ACSM4: variants seen among roughly 807,000 people sequenced by gnomAD.
ACSM4 encodes the protein acyl-CoA synthetase medium chain family member 4, also known as acyl-coenzyme A synthetase ACSM4, mitochondrial.
Under a neutral mutation model 73.0 loss-of-function variants are expected in ACSM4, and 66 were observed. The ratio of observed to expected loss-of-function variants is 0.90; its 90% CI spans 0.74 to 1.11. The LOEUF (loss-of-function observed/expected upper bound fraction) is 1.11, where lower values mean the gene tolerates loss of function less well. Ranked by LOEUF, ACSM4 falls within the 50% of genes least tolerant of loss-of-function variation. The pLI is 0.00. For synonymous variants in ACSM4, 222 were observed against 254.0 expected (o/e 0.87, Z 1.20); for missense variants, 645 against 714.4 (o/e 0.90, Z 1.11).
chr12:7,317,485 A>C (rs903991478), intron 4 of ACSM4, among the ~76,000 whole-genome samples: 14 of 152,224 alleles, frequency 9.2e-5, no homozygotes, highest in Non-Finnish European at 1.6e-4. Context: ...CTTAAGAATC[A>C]ACCTTAATTA....
chr12:7,324,684 G>A (rs2136338804), intron 11 of ACSM4, 86 bp downstream of exon 11: 1 of 1,405,948 alleles, frequency 7.1e-7, no homozygotes, highest in Non-Finnish European at 9.9e-7. Context: ...ACCAAGAGAG[G>A]TCAATCTATT....
At position 7,306,530 on chromosome 12, in the gene ACSM4, C is replaced by T. The variant is rs367956264; in HGVS notation, c.202-3C>T. On this transcript the variant is annotated splice_polypyrimidine_tract_variant and splice_region_variant and intron_variant, in intron 1 of 12. Coordinates refer to ENST00000399422, the MANE Select transcript of ACSM4 (RefSeq NM_001080454.2). Reference sequence around the variant, plus strand: ...CCTCTCTTTTCCATGTGTCCCTGGTCAGACAGGGGAGAGACCAGCTAACCC... The same window carrying T: ...CCTCTCTTTTCCATGTGTCCCTGGTTAGACAGGGGAGAGACCAGCTAACCC... 102 of 1,585,022 alleles carry T rather than the reference C, an allele frequency of 6.4e-5. No individual in the cohort carries two copies. The highest frequency in any genetic ancestry group is 8.1e-5 in the Non-Finnish European group (95 of 1,165,850).
rs1453563914 is a variant in ACSM4, at chr12:7,304,308, A to C, written c.-24A>C. On this transcript the variant is annotated 5_prime_UTR_variant, in exon 1 of 13. Transcript: ENST00000399422. ...GCTGTAGTACTTCTGTGTCCATAGC[A>C]GTAGACAAAGTCCTTTGGGAACCAT... 1 of 1,609,002 alleles carries C rather than the reference A, an allele frequency of 6.2e-7. No homozygotes were observed. Among genetic ancestry groups the C allele is most frequent in the African/African-American group, 1.3e-5 (1 of 74,878 alleles).
rs751974625 is a variant in ACSM4, at chr12:7,322,535, G to A, written c.1119G>A (p.Thr373=). ...AGCTATATGAGGGCTATGGACAGAC[G>A]GAAGTGGTATATCTAAAGGGCATTT... The part of the protein sequence containing the change: ...GLELYEGYGQ[T]EVGMICANQK... Residue 373 remains threonine, a synonymous_variant, in exon 7 of 13, where the codon ACG becomes ACA. Coordinates refer to ENST00000399422, the MANE Select transcript of ACSM4 (RefSeq NM_001080454.2). 8.1e-6 allele frequency: 13 copies of A among 1,613,224 alleles called. No homozygotes were observed. Among genetic ancestry groups the A allele is most frequent in the East Asian group, 2.2e-5 (1 of 44,872 alleles).
intron 3 of ACSM4, among the ~76,000 whole-genome samples, chr12:7,315,645 G>C (rs374533403): frequency 6.6e-6 from 1 of 151,960 alleles, no homozygotes; most frequent in African/African-American, 2.4e-5. Context: ...ATAAAAATAT[G>C]ATACACCAGT....
At chr12:7,318,305 A>G (rs987876763) in intron 5 of ACSM4, 123 bp downstream of exon 5, 1 of 1,310,474 alleles carries the variant, frequency 7.6e-7, no homozygotes, top group Admixed American at 2.5e-5. Flanking sequence ...TTCTTTATAC[A>G]AAGCAAAGTC....
At chr12:7,319,602 AAAAG>A (rs1424943140) in intron 5 of ACSM4, among the ~76,000 whole-genome samples, 5 of 151,736 alleles carry the variant, frequency 3.3e-5, no homozygotes, top group Non-Finnish European at 5.9e-5. Flanking sequence ...AAAAAAAAAA[AAAAG>A]AAAAAAATAC....
rs201479077 is a variant in ACSM4 at position 7,325,848 on chromosome 12, A to G, written c.1537-1128A>G. On this transcript the variant is annotated intron_variant, in intron 11 of 12. Coordinates refer to ENST00000399422, the MANE Select transcript of ACSM4 (RefSeq NM_001080454.2). ...TGACAAAATTTCAAAACAATTTGTC[A>G]GCATCGTTCCACATCTGTACCTCCC... 9.8e-5 allele frequency among the ~76,000 whole-genome samples: 15 copies of G among 152,342 alleles called. No individual in the cohort carries two copies. The East Asian group carries it at 2.7e-3, about 27-fold the overall frequency.
chr12:7,310,409 G>C (rs1946383552), intron 2 of ACSM4, 130 bp from the exon 3 acceptor site: 1 of 850,688 alleles, frequency 1.2e-6, no homozygotes. Flanking sequence ...ATATCCTTGG[G>C]CATCAAGGCA....
Position 7,304,266 on chromosome 12 carries a change from T to A in ACSM4, c.-66T>A, listed in dbSNP as rs1946348427. On this transcript the variant is annotated 5_prime_UTR_variant, in exon 1 of 13. Transcript: ENST00000399422. ...AGCATCAAGAAACTGATACTCTCTA[T>A]CCATCTCTCCCTACAGGCTGTAGTA... 5 of 1,501,358 alleles carry A rather than the reference T, an allele frequency of 3.3e-6. No homozygotes were observed. In the East Asian group the frequency reaches 1.1e-4, roughly 34 times the overall value. 93.0% of individuals were successfully genotyped at this position (1,501,358 alleles called of 1,614,324 possible).
chr12:7,314,285 T>C (rs1946405985), intron 3 of ACSM4, among the ~76,000 whole-genome samples: 1 of 152,180 alleles, frequency 6.6e-6, no homozygotes, highest in Non-Finnish European at 1.5e-5. Flanking sequence ...TTGAAGGGTC[T>C]GTGAACATTC....
At chr12:7,305,249 A>G (rs1946355790) in intron 1 of ACSM4, among the ~76,000 whole-genome samples, 1 of 152,224 alleles carries the variant, frequency 6.6e-6, no homozygotes, top group Non-Finnish European at 1.5e-5. Context: ...TCTAGATAAA[A>G]TTTAATGGCA....
chr12:7,324,184 G>A (rs1197712503), intron 9 of ACSM4, 89 bp from the exon 10 acceptor site: 1 of 1,460,340 alleles, frequency 6.8e-7, no homozygotes, highest in Non-Finnish European at 9.2e-7. Context: ...TATATAAGTA[G>A]GATGTGTAAT....
chr12:7,313,226 C>T (rs1046235694), intron 3 of ACSM4, among the ~76,000 whole-genome samples: 1 of 152,132 alleles, frequency 6.6e-6, no homozygotes, highest in Admixed American at 6.6e-5. Flanking sequence ...AAAGATACCA[C>T]AAAATTTACA....
chr12:7,310,705 A>G lies in ACSM4; in HGVS notation c.579A>G (p.Pro193=), dbSNP rs2136329611. The change falls in exon 3 of 13, where the codon CCA becomes CCG. Residue 193 remains proline (P), a synonymous_variant. Transcript: ENST00000399422. ...TTAAGACAAAACTCCTGGTGTCTCC[A>G]CAAAGCTGGAATGGGTGGCTCAGCT... ...PDLKTKLLVS[P]QSWNGWLSFQ... 3.7e-6 allele frequency: 6 copies of G among 1,613,556 alleles called. No homozygotes were observed. Among genetic ancestry groups the G allele is most frequent in the Non-Finnish European group, 5.1e-6 (6 of 1,179,728 alleles).
Position 7,323,497 on chromosome 12 carries a change from A to G in ACSM4, c.1245A>G (p.Lys415=). ...ATGGCAATGTTCTACCACCTGGCAAAGAAGGGGAAATTGCCCTCAGACTCA... is the reference window on the plus strand; with the variant it reads ...ATGGCAATGTTCTACCACCTGGCAAGGAAGGGGAAATTGCCCTCAGACTCA... ...DENGNVLPPG[K]EGEIALRLKP... The change falls in exon 9 of 13, where the codon AAA becomes AAG. Residue 415 remains lysine (K), a synonymous_variant. Transcript: ENST00000399422. 1.9e-6 allele frequency: 3 copies of G among 1,613,934 alleles called. No individual in the cohort carries two copies. In the Admixed American group the frequency reaches 5.0e-5, roughly 27 times the overall value.
Position 7,304,274 on chromosome 12 carries a change from T to C in ACSM4, c.-58T>C. 1 of 1,537,122 alleles carries C rather than the reference T, an allele frequency of 6.5e-7. No homozygotes were observed. The highest frequency in any genetic ancestry group is 9.0e-7 in the Non-Finnish European group (1 of 1,112,790). ...GAAACTGATACTCTCTATCCATCTCTCCCTACAGGCTGTAGTACTTCTGTG... is the reference window on the plus strand; with the variant it reads ...GAAACTGATACTCTCTATCCATCTCCCCCTACAGGCTGTAGTACTTCTGTG... On this transcript the variant is annotated 5_prime_UTR_variant, in exon 1 of 13. Coordinates refer to ENST00000399422, the MANE Select transcript of ACSM4 (RefSeq NM_001080454.2).
At chr12:7,310,427 C>A in intron 2 of ACSM4, 112 bp from the exon 3 acceptor site, 2 of 1,028,290 alleles carry the variant, frequency 1.9e-6, no homozygotes, top group Non-Finnish European at 2.9e-6. Flanking sequence ...GCAGAGGTAG[C>A]TGAGGTAGCT....
Position 7,328,340 on chromosome 12 carries a change from C to G in ACSM4, c.1710C>G (p.Asn570Lys), listed in dbSNP as rs368497546. The change falls in exon 13 of 13, where the codon AAC becomes AAG. Residue 570 changes from asparagine to lysine, a missense_variant. Physicochemically the swap from Asn to Lys is moderately conservative, Grantham distance 94. Transcript: ENST00000399422. ...CAATCACTGGGAAAATCAAACGCAA[C>G]GTTTTAAGAGACCAAGAATGGAGAG... is the stretch of plus-strand genomic sequence containing the variant. ...PKTITGKIKR[N>K]VLRDQEWRGR 3.7e-5 allele frequency: 59 copies of G among 1,594,392 alleles called. No individual in the cohort carries two copies. The highest frequency in any genetic ancestry group is 4.6e-5 in the Non-Finnish European group (54 of 1,169,840).
Sources: gnomAD v4.1 joint callset for allele counts (sites outside exome capture counted in the v4.1 genomes callset) on GRCh38, gnomAD v4.1.1 for gene constraint, MANE v1.5 for transcripts, NCBI Gene and HGNC (gene_info 2026-07-23, HGNC 2026-07-21) for gene names.